Variants in SOX5 observed in about 807,000 individuals in gnomAD.
The protein encoded by SOX5 is SRY-box transcription factor 5, also known as transcription factor SOX-5.
A neutral mutation model predicts 92.0 loss-of-function variants in SOX5; 9 were observed. The observed-to-expected ratio is 0.10, with a 90% CI of 0.06 to 0.17. The LOEUF (loss-of-function observed/expected upper bound fraction) is 0.17, where lower values mean the gene tolerates loss of function less well. SOX5 is among the 10% of genes least tolerant of loss of function. SOX5 has a pLI of 1.00. For missense variants in SOX5, 642 were observed against 944.5 expected, an observed-to-expected ratio of 0.68 and a Z score of 4.20; for synonymous variants, 344 against 336.3, an observed-to-expected ratio of 1.02 and a Z score of -0.25.
At chr12:24,426,051 T>G (rs1234931742) in intron 1 of SOX5, among the ~76,000 whole-genome samples, 1 of 152,150 alleles carries the variant, frequency 6.6e-6, no homozygotes, top group Non-Finnish European at 1.5e-5. Flanking sequence ...GTCATCATTA[T>G]AGACAAGGCA....
intron 1 of SOX5, among the ~76,000 whole-genome samples, chr12:23,935,176 A>G (rs1271111942): frequency 6.6e-6 from 1 of 151,264 alleles, no homozygotes; most frequent in Non-Finnish European, 1.5e-5. Context: ...AGCTGCAATC[A>G]TATTATCAGT....
intron 1 of SOX5, among the ~76,000 whole-genome samples, chr12:24,449,688 C>T (rs1340629361): frequency 1.3e-5 from 2 of 152,164 alleles, no homozygotes; most frequent in African/African-American, 2.4e-5. Flanking sequence ...GTGAAGATGA[C>T]ATCCTGTTAT....
chr12:24,209,043 G>T (rs1046353975), intron 4 of SOX5, among the ~76,000 whole-genome samples: 2 of 152,264 alleles, frequency 1.3e-5, no homozygotes, highest in Admixed American at 6.5e-5. Flanking sequence ...GTACATGAAG[G>T]GAGTGGTAGC....
intron 3 of SOX5, among the ~76,000 whole-genome samples, chr12:23,822,582 G>A (rs572815047): frequency 8.7e-4 from 133 of 152,294 alleles, no homozygotes; most frequent in African/African-American, 3.1e-3. Context: ...GTGCTGAGAA[G>A]AATGTATATT....
At chr12:23,979,281 T>C (rs1949249730) in intron 4 of SOX5, among the ~76,000 whole-genome samples, 1 of 152,170 alleles carries the variant, frequency 6.6e-6, no homozygotes, top group Non-Finnish European at 1.5e-5. Flanking sequence ...TGGAGTGCAA[T>C]GGTGCGATCT....
intron 2 of SOX5, among the ~76,000 whole-genome samples, chr12:24,304,880 A>T (rs1291920504): frequency 6.6e-6 from 1 of 151,716 alleles, no homozygotes; most frequent in African/African-American, 2.4e-5. Flanking sequence ...GTCACTGCTG[A>T]CTCTACCTCC....
chr12:24,331,631 C>A (rs1306322218), intron 2 of SOX5, among the ~76,000 whole-genome samples: 1 of 151,862 alleles, frequency 6.6e-6, no homozygotes, highest in Non-Finnish European at 1.5e-5. Context: ...GGGCAGATCA[C>A]GAGGTCAGGA....
intron 11 of SOX5, among the ~76,000 whole-genome samples, chr12:23,561,139 G>A (rs1431038618): frequency 6.6e-6 from 1 of 152,162 alleles, no homozygotes; most frequent in African/African-American, 2.4e-5. Context: ...TGTCCAACAG[G>A]TTTTGGAAGG....
chr12:23,657,064 G>A (rs1472803914), intron 7 of SOX5, among the ~76,000 whole-genome samples: 1 of 151,998 alleles, frequency 6.6e-6, no homozygotes, highest in South Asian at 2.1e-4. Flanking sequence ...CAATTATTAG[G>A]GAAATAGTAC....
chr12:24,075,068 C>A (rs1257672865), intron 4 of SOX5, among the ~76,000 whole-genome samples: 2 of 151,144 alleles, frequency 1.3e-5, no homozygotes, highest in African/African-American at 2.4e-5. Flanking sequence ...TCAAGACCAG[C>A]CTGGGCAACA....
intron 4 of SOX5, among the ~76,000 whole-genome samples, chr12:23,754,275 G>A (rs2094291406): frequency 6.6e-6 from 1 of 151,792 alleles, no homozygotes; most frequent in African/African-American, 2.4e-5. Context: ...GGCAGTCTTC[G>A]CTGCTCTACT....
rs565007106 is a variant in SOX5, at chr12:23,533,045, C to G, written c.*1174G>C. On this transcript the variant is annotated 3_prime_UTR_variant, in exon 15 of 15. Transcript: ENST00000451604. ...GCACACCTCTATTACACAGGGCCAC[C>G]TGATCCATCCAATAATAATCAGACA... 9 of 371,986 alleles carry G rather than the reference C, an allele frequency of 2.4e-5. No homozygotes were observed. The highest frequency in any genetic ancestry group is 1.9e-4 in the Admixed American group (7 of 36,312). 23.0% of individuals were successfully genotyped at this position (371,986 alleles called of 1,614,324 possible). A position where few individuals can be genotyped will look rare whatever the true frequency, so the allele number is the denominator to read the frequency against.
At chr12:23,955,923 C>T (rs1946232235), upstream of SOX5, among the ~76,000 whole-genome samples, 1 of 152,144 alleles carries the variant, frequency 6.6e-6, no homozygotes, top group Non-Finnish European at 1.5e-5. Flanking sequence ...TGAAAAGTGG[C>T]TCCATTATCT....
At chr12:23,674,094 C>T (rs2085256095) in intron 6 of SOX5, among the ~76,000 whole-genome samples, 1 of 152,062 alleles carries the variant, frequency 6.6e-6, no homozygotes, top group Non-Finnish European at 1.5e-5. Context: ...ATACTTTATC[C>T]AGCCTCCTAG....
chr12:24,178,405 G>T (rs2139238863), intron 4 of SOX5, among the ~76,000 whole-genome samples: 1 of 152,246 alleles, frequency 6.6e-6, no homozygotes, highest in African/African-American at 2.4e-5. Context: ...GTCATTCAAA[G>T]CACTGCAGTG....
rs181607943 is a variant in SOX5 at position 23,533,360 on chromosome 12, A to C, written c.*859T>G. 7.0e-5 allele frequency: 17 copies of C among 242,068 alleles called. No individual in the cohort carries two copies. The highest frequency in any genetic ancestry group is 4.6e-4 in the Admixed American group (10 of 21,576). 15.0% of individuals were successfully genotyped at this position (242,068 alleles called of 1,614,324 possible). The stretch of plus-strand genomic sequence containing the variant: ...ACAGCACCTACAGTTTCCATTAAAA[A>C]AAAAAGTCAAATCTCACCAGCTGCT... On this transcript the variant is annotated 3_prime_UTR_variant, in exon 15 of 15. Coordinates refer to ENST00000451604, the MANE Select transcript of SOX5 (RefSeq NM_006940.6).
chr12:23,758,964 T>C (rs2094485865), intron 3 of SOX5, among the ~76,000 whole-genome samples: 1 of 151,712 alleles, frequency 6.6e-6, no homozygotes. Context: ...AAATTTATTT[T>C]CTTTATAAAT....
chr12:23,849,754 A>G lies in SOX5; in HGVS notation c.271-3561T>C, dbSNP rs971434746. 7.2e-5 allele frequency among the ~76,000 whole-genome samples: 11 copies of G among 152,278 alleles called. No homozygotes were observed. In the South Asian group the frequency reaches 1.0e-3, roughly 14 times the overall value. ...CTTATAAAGCTCTGTCCATCCAAAT[A>G]TCTACTGGTTCATGTCATATTTTTT... On this transcript the variant is annotated intron_variant, in intron 2 of 14. Transcript: ENST00000451604.
At chr12:24,546,154 A>G (rs777248232) in intron 1 of SOX5, among the ~76,000 whole-genome samples, 4 of 152,194 alleles carry the variant, frequency 2.6e-5, no homozygotes, top group Non-Finnish European at 5.9e-5. Flanking sequence ...ACATGTACAT[A>G]AACTATGAAT....
Sources: allele counts gnomAD v4.1 joint callset (sites outside exome capture counted in the v4.1 genomes callset), GRCh38; gene constraint gnomAD v4.1.1; transcripts MANE v1.5; gene names NCBI Gene and HGNC (gene_info 2026-07-23, HGNC 2026-07-21).